HS6ST1: variants seen among roughly 807,000 people sequenced by gnomAD.
HS6ST1 encodes heparan-sulfate 6-O-sulfotransferase 1.
HS6ST1 carries 3 observed loss-of-function variants against 25.2 expected under a neutral mutation model. The ratio of observed to expected loss-of-function variants is 0.12; its 90% CI spans 0.05 to 0.31. The LOEUF is 0.31. HS6ST1 is among the 10% of genes least tolerant of loss of function. HS6ST1 has a pLI of 1.00. For synonymous variants in HS6ST1, 204 were observed against 275.1 expected (o/e 0.74, Z 2.56); for missense variants, 310 against 609.6 (o/e 0.51, Z 5.18).
intron 1 of HS6ST1, among the ~76,000 whole-genome samples, chr2:128,273,251 C>A (rs985173244): frequency 6.6e-6 from 1 of 152,248 alleles, no homozygotes; most frequent in Non-Finnish European, 1.5e-5. Context: ...TTACGCTGTC[C>A]CCACGGCTCC....
At chr2:128,282,900 G>A (rs1260491927) in intron 1 of HS6ST1, among the ~76,000 whole-genome samples, 1 of 152,160 alleles carries the variant, frequency 6.6e-6, no homozygotes, top group Non-Finnish European at 1.5e-5. Flanking sequence ...TAACACAGGC[G>A]GTGCTGACCG....
intron 1 of HS6ST1, among the ~76,000 whole-genome samples, chr2:128,296,060 G>A (rs1694036434): frequency 6.6e-6 from 1 of 152,178 alleles, no homozygotes; most frequent in Non-Finnish European, 1.5e-5. Flanking sequence ...CTTCTCTCTT[G>A]GCCATGGGAG....
intron 1 of HS6ST1, among the ~76,000 whole-genome samples, chr2:128,305,707 A>G (rs1209102634): frequency 6.6e-6 from 1 of 152,182 alleles, no homozygotes; most frequent in Non-Finnish European, 1.5e-5. Flanking sequence ...CCGGGAGACC[A>G]TCTGCTCTGC....
chr2:128,290,305 C>T (rs1351088856), intron 1 of HS6ST1: 1 of 152,058 alleles, frequency 6.6e-6, no homozygotes, highest in East Asian at 1.9e-4. Context: ...GCAAACCCTC[C>T]TAGACAAGAG....
chr2:128,270,969 G>A (rs770675395), intron 1 of HS6ST1, among the ~76,000 whole-genome samples: 14 of 152,274 alleles, frequency 9.2e-5, no homozygotes, highest in South Asian at 2.1e-4. Context: ...CATTTTCAGC[G>A]CCCCAGCCCA....
At chr2:128,285,102 T>C (rs1693840885) in intron 1 of HS6ST1, among the ~76,000 whole-genome samples, 1 of 152,204 alleles carries the variant, frequency 6.6e-6, no homozygotes, top group Non-Finnish European at 1.5e-5. Context: ...GAGTGCCTAC[T>C]GCGTGCTCTA....
intron 1 of HS6ST1, among the ~76,000 whole-genome samples, chr2:128,272,523 C>T (rs1205421386): frequency 4.6e-5 from 7 of 152,100 alleles, no homozygotes; most frequent in Admixed American, 2.0e-4. Flanking sequence ...ACCACGTGTC[C>T]GACGGCAGCA....
chr2:128,287,472 T>A lies in HS6ST1; in HGVS notation c.528-18602A>T, dbSNP rs1241759475. On this transcript the variant is annotated intron_variant, in intron 1 of 1. Transcript: ENST00000259241. Reference sequence around the variant, plus strand: ...CAGAGAACTGGGCAGAGAGCCGGGATGTGAGGCTTAGGACTGCCTCCACCT... The same window carrying A: ...CAGAGAACTGGGCAGAGAGCCGGGAAGTGAGGCTTAGGACTGCCTCCACCT... 4.6e-5 allele frequency among the ~76,000 whole-genome samples: 7 copies of A among 152,314 alleles called. No homozygotes were observed. The East Asian group carries it at 1.4e-3, about 29-fold the overall frequency.
In HS6ST1 at chr2:128,267,305, C is replaced by G. The variant is rs1693534084; in HGVS notation, c.*857G>C. The G allele has an allele frequency of 6.6e-6, 1 of 152,164 alleles. No individual in the cohort carries two copies. Among genetic ancestry groups the G allele is most frequent in the Non-Finnish European group, 1.5e-5 (1 of 68,026 alleles). The allele number at this position is 152,164 out of a possible 1,614,324, so 9.4% of individuals were successfully genotyped here. ...CGGTCCCCAGCCCTTCCAGTCTGAG[C>G]CAGGCCTGCCTGGATGGTCACCTCC... is the stretch of plus-strand genomic sequence containing the variant. On this transcript the variant is annotated 3_prime_UTR_variant, in exon 2 of 2. Transcript: ENST00000259241.
chr2:128,282,664 G>A (rs1012206146), intron 1 of HS6ST1, among the ~76,000 whole-genome samples: 1 of 152,186 alleles, frequency 6.6e-6, no homozygotes. Context: ...AAGGCTGCTT[G>A]AGCCCCACCT....
At chr2:128,311,742 T>C (rs575933389) in intron 1 of HS6ST1, among the ~76,000 whole-genome samples, 4 of 152,306 alleles carry the variant, frequency 2.6e-5, no homozygotes, top group South Asian at 2.1e-4. Context: ...GCAAGGACAC[T>C]GGAGCAGAGG....
chr2:128,280,121 C>T (rs1573693823), intron 1 of HS6ST1, among the ~76,000 whole-genome samples: 1 of 152,236 alleles, frequency 6.6e-6, no homozygotes, highest in Non-Finnish European at 1.5e-5. Flanking sequence ...TGCTGCCAAC[C>T]CCACCAGGGG....
At position 128,280,924 on chromosome 2, in the gene HS6ST1, G is replaced by A. The variant is rs138105336; in HGVS notation, c.528-12054C>T. Among the ~76,000 whole-genome samples the A allele has an allele frequency of 8.6e-3, 1,310 of 152,326 alleles. 20 individuals are homozygous for A. Among genetic ancestry groups the A allele is most frequent in the African/African-American group, 0.028 (1,182 of 41,568 alleles). On this transcript the variant is annotated intron_variant, in intron 1 of 1. Coordinates refer to ENST00000259241, the MANE Select transcript of HS6ST1 (RefSeq NM_004807.3). ...TGATGGGACCTTTGGCAGGACACCC[G>A]GATGGACAGGTGAGGCTGACCCAAC...
chr2:128,291,477 C>A (rs534920932), intron 1 of HS6ST1, among the ~76,000 whole-genome samples: 2 of 152,222 alleles, frequency 1.3e-5, no homozygotes, highest in Non-Finnish European at 2.9e-5. Context: ...GGGGGCTAGA[C>A]CTCTGGCAGG....
chr2:128,311,476 G>T (rs1000309956), intron 1 of HS6ST1, among the ~76,000 whole-genome samples: 2 of 152,162 alleles, frequency 1.3e-5, no homozygotes, highest in African/African-American at 4.8e-5. Context: ...CCCAGAGCTC[G>T]GCTTCTCATG....
chr2:128,273,395 G>T (rs1227896614), intron 1 of HS6ST1, among the ~76,000 whole-genome samples: 1 of 152,224 alleles, frequency 6.6e-6, no homozygotes, highest in African/African-American at 2.4e-5. Context: ...GCCAAATGTG[G>T]GTGTTCCTGC....
At chr2:128,276,186 G>C (rs1309562984) in intron 1 of HS6ST1, among the ~76,000 whole-genome samples, 34 of 152,158 alleles carry the variant, frequency 2.2e-4, no homozygotes, top group Admixed American at 2.2e-3. Flanking sequence ...GGAGTGCAGT[G>C]GTGTGATCTT....
chr2:128,316,191 C>T (rs1458398525), intron 1 of HS6ST1, among the ~76,000 whole-genome samples: 1 of 152,266 alleles, frequency 6.6e-6, no homozygotes, highest in African/African-American at 2.4e-5. Context: ...GGCCAAGGCT[C>T]TTCACCCTGG....
intron 1 of HS6ST1, among the ~76,000 whole-genome samples, chr2:128,293,177 C>T (rs77483185): frequency 0.038 from 5,738 of 152,346 alleles, 170 homozygotes; most frequent in Non-Finnish European, 0.05. Context: ...GCGTCCCACC[C>T]GCACACCCTG....
Sources: gnomAD v4.1 joint callset for allele counts (sites outside exome capture counted in the v4.1 genomes callset) on GRCh38, gnomAD v4.1.1 for gene constraint, MANE v1.5 for transcripts, NCBI Gene and HGNC (gene_info 2026-07-23, HGNC 2026-07-21) for gene names.